DLGAP1: variants seen among roughly 807,000 people sequenced by gnomAD.
DLGAP1 encodes the protein DLG associated protein 1.
In DLGAP1, 11 loss-of-function variants were observed where a neutral mutation model predicts 90.8. The observed-to-expected ratio is 0.12, with a 90% CI of 0.08 to 0.20. DLGAP1 has a LOEUF of 0.20. Among genes scored for constraint, DLGAP1 ranks in the 10% least tolerant of loss-of-function variants. DLGAP1 has a pLI of 1.00. For missense variants in DLGAP1, 1,050 were observed against 1,333.8 expected, an observed-to-expected ratio of 0.79 and a Z score of 3.31; for synonymous variants, 558 against 540.7, an observed-to-expected ratio of 1.03 and a Z score of -0.44.
chr18:3,875,624 T>C (rs1452982513), intron 4 of DLGAP1, among the ~76,000 whole-genome samples: 1 of 152,182 alleles, frequency 6.6e-6, no homozygotes, highest in African/African-American at 2.4e-5. Flanking sequence ...ATTTACGAAA[T>C]CTTAGCTTCT....
rs536446982 is a variant in DLGAP1 at position 3,633,363 on chromosome 18, A to G, written c.1592-51115T>C. Among the ~76,000 whole-genome samples, 3 of 150,780 alleles carry G rather than the reference A, an allele frequency of 2.0e-5. No homozygotes were observed. The East Asian group carries it at 5.9e-4, about 30-fold the overall frequency. On this transcript the variant is annotated intron_variant, in intron 7 of 12. Transcript: ENST00000315677. ...GGTTGCAGTGAGCTGAGATCATGCC[A>G]CTGCACTCCAGCCTGGTGACAGAGC...
intron 7 of DLGAP1, among the ~76,000 whole-genome samples, chr18:3,724,904 C>CAA (rs35207660): frequency 1.5e-5 from 2 of 132,202 alleles, no homozygotes; most frequent in African/African-American, 2.9e-5. Flanking sequence ...AACTCTGTCT[C>CAA]AAAAAAAAAA....
Position 3,496,626 on chromosome 18 carries a change from C to A in DLGAP1, c.*2559G>T, listed in dbSNP as rs1288435485. 1 of 152,042 alleles carries A rather than the reference C, an allele frequency of 6.6e-6. No homozygotes were observed. Among genetic ancestry groups the A allele is most frequent in the Admixed American group, 6.6e-5 (1 of 15,264 alleles). The allele number at this position is 152,042 out of a possible 1,614,324, so 9.4% of individuals were successfully genotyped here. A position where few individuals can be genotyped will look rare whatever the true frequency, so the allele number is the denominator to read the frequency against. On this transcript the variant is annotated 3_prime_UTR_variant, in exon 13 of 13. Coordinates refer to ENST00000315677, the MANE Select transcript of DLGAP1 (RefSeq NM_004746.4). The stretch of plus-strand genomic sequence containing the variant: ...CCAACACCTTTATACCAAAGTTAAA[C>A]AAAATAAGTAATTTTTCAGGGTACA...
intron 4 of DLGAP1, among the ~76,000 whole-genome samples, chr18:3,865,546 C>T (rs1397513317): frequency 6.6e-6 from 1 of 151,930 alleles, no homozygotes; most frequent in Admixed American, 6.6e-5. Context: ...TTTTTTAAAC[C>T]ATAATTATTC....
chr18:4,307,324 C>T (rs1197920635), intron 1 of DLGAP1, among the ~76,000 whole-genome samples: 1 of 152,128 alleles, frequency 6.6e-6, no homozygotes, highest in Non-Finnish European at 1.5e-5. Flanking sequence ...GTGACAGACT[C>T]CTTCTCCTCT....
At chr18:3,976,542 T>C (rs1488642226) in intron 3 of DLGAP1, among the ~76,000 whole-genome samples, 2 of 152,230 alleles carry the variant, frequency 1.3e-5, no homozygotes, top group African/African-American at 4.8e-5. Flanking sequence ...TTATATAGTA[T>C]TAATTTTCTT....
chr18:3,541,247 GAGA>G (rs919488929), intron 9 of DLGAP1, among the ~76,000 whole-genome samples: 2 of 152,096 alleles, frequency 1.3e-5, no homozygotes, highest in African/African-American at 4.8e-5. Flanking sequence ...GAGAGAGAAA[GAGA>G]AGGAGGGAGG....
intron 1 of DLGAP1, among the ~76,000 whole-genome samples, chr18:4,367,337 T>C (rs2081798536): frequency 6.6e-6 from 1 of 152,126 alleles, no homozygotes; most frequent in South Asian, 2.1e-4. Context: ...TCATTACTTT[T>C]AGGGTTCAAA....
chr18:3,856,187 G>A (rs1168211021), intron 4 of DLGAP1, among the ~76,000 whole-genome samples: 1 of 152,154 alleles, frequency 6.6e-6, no homozygotes, highest in Admixed American at 6.5e-5. Flanking sequence ...GTTTGTAACA[G>A]TAAGGGATTT....
At chr18:4,118,493 A>G (rs953617464) in intron 2 of DLGAP1, among the ~76,000 whole-genome samples, 2 of 152,158 alleles carry the variant, frequency 1.3e-5, no homozygotes, top group Non-Finnish European at 2.9e-5. Flanking sequence ...CCTGGGGAAA[A>G]GCTTCAGTCC....
intron 2 of DLGAP1, among the ~76,000 whole-genome samples, chr18:4,041,150 T>G (rs1225012209): frequency 2.0e-5 from 3 of 152,224 alleles, no homozygotes; most frequent in African/African-American, 4.8e-5. Flanking sequence ...GAACCTCAAT[T>G]ACTTTTGCAC....
intron 2 of DLGAP1, among the ~76,000 whole-genome samples, chr18:4,012,372 C>G (rs150203533): frequency 3.3e-5 from 5 of 152,320 alleles, no homozygotes; most frequent in East Asian, 3.9e-4. Context: ...CCATCCCCCC[C>G]TCTGCCACTT....
chr18:3,534,813 TC>T (rs1247392517), intron 9 of DLGAP1, among the ~76,000 whole-genome samples, 198 bp from the exon 10 acceptor site: 1 of 150,816 alleles, frequency 6.6e-6, no homozygotes, highest in African/African-American at 2.4e-5. Context: ...CACCTCAGCC[TC>T]CCGAGTAGCT....
chr18:4,086,019 G>C (rs2075675680), intron 2 of DLGAP1, among the ~76,000 whole-genome samples: 1 of 152,166 alleles, frequency 6.6e-6, no homozygotes, highest in South Asian at 2.1e-4. Context: ...CAGAAAAAGA[G>C]GTTGTTCGTG....
At chr18:3,626,287 T>A in intron 7 of DLGAP1, among the ~76,000 whole-genome samples, 1 of 125,446 alleles carries the variant, frequency 8.0e-6, no homozygotes, top group African/African-American at 3.3e-5. Context: ...TGAGACCCAG[T>A]CTCAAAAAAG....
At position 4,262,036 on chromosome 18, in the gene DLGAP1, C is replaced by T. The variant is rs374040203; in HGVS notation, c.-266-110749G>A. ...TCATGATTGGGAGGCTATATTAGATCGTTAGGTACTTTCTAAGATTTCTTC... is the reference window on the plus strand; with the variant it reads ...TCATGATTGGGAGGCTATATTAGATTGTTAGGTACTTTCTAAGATTTCTTC... On this transcript the variant is annotated intron_variant, in intron 1 of 12. Coordinates refer to ENST00000315677, the MANE Select transcript of DLGAP1 (RefSeq NM_004746.4). Among the ~76,000 whole-genome samples, 16 of 152,240 alleles carry T rather than the reference C, an allele frequency of 1.1e-4. No individual in the cohort carries two copies. In the East Asian group the frequency reaches 2.3e-3, roughly 22 times the overall value.
At chr18:3,897,951 C>A (rs927045698) in intron 3 of DLGAP1, among the ~76,000 whole-genome samples, 1 of 151,352 alleles carries the variant, frequency 6.6e-6, no homozygotes, top group African/African-American at 2.4e-5. Flanking sequence ...CCCGCCACCG[C>A]GCCCGGCTAA....
chr18:3,833,531 G>A (rs1263489541), intron 4 of DLGAP1, among the ~76,000 whole-genome samples: 1 of 152,040 alleles, frequency 6.6e-6, no homozygotes, highest in Admixed American at 6.5e-5. Context: ...CACCGCATCT[G>A]GACTGTTTTG....
intron 10 of DLGAP1, among the ~76,000 whole-genome samples, chr18:3,511,255 T>G (rs938024721): frequency 8.0e-5 from 12 of 150,504 alleles, no homozygotes; most frequent in Non-Finnish European, 1.6e-4. Flanking sequence ...TCACTTTAAT[T>G]TTAAGAAAGA....
Sources: gnomAD v4.1 joint callset for allele counts (sites outside exome capture counted in the v4.1 genomes callset) on GRCh38, gnomAD v4.1.1 for gene constraint, MANE v1.5 for transcripts, NCBI Gene and HGNC (gene_info 2026-07-23, HGNC 2026-07-21) for gene names.